TMEM117: variants seen among roughly 807,000 people sequenced by gnomAD.
TMEM117 encodes transmembrane protein 117.
A neutral mutation model predicts 52.4 loss-of-function variants in TMEM117; 27 were observed. The observed-to-expected ratio is 0.51, with a 90% CI of 0.38 to 0.71. The LOEUF (loss-of-function observed/expected upper bound fraction) is 0.71. TMEM117 is among the 30% of genes least tolerant of loss of function. The pLI is 0.00. For synonymous variants in TMEM117, 215 were observed against 206.3 expected (o/e 1.04, Z -0.36); for missense variants, 556 against 630.5 (o/e 0.88, Z 1.26).
intron 6 of TMEM117, among the ~76,000 whole-genome samples, chr12:44,348,310 G>A (rs1951516690): frequency 6.6e-6 from 1 of 151,372 alleles, no homozygotes; most frequent in African/African-American, 2.4e-5. Context: ...ATACTCTGGT[G>A]GGAAAAGGGA....
downstream of TMEM117, among the ~76,000 whole-genome samples, chr12:44,394,673 C>T (rs1952173438): frequency 6.6e-6 from 1 of 152,194 alleles, no homozygotes; most frequent in African/African-American, 2.4e-5. Context: ...CTTCTCTTAT[C>T]AGGACACTCT....
chr12:43,992,427 C>G (rs560985003), intron 3 of TMEM117, among the ~76,000 whole-genome samples: 146 of 152,044 alleles, frequency 9.6e-4, no homozygotes, highest in African/African-American at 3.4e-3. Flanking sequence ...GCCATCCTGC[C>G]TGGCTAATTT....
Position 43,924,985 on chromosome 12 carries a change from C to G in TMEM117, c.278-19225C>G, listed in dbSNP as rs745949346. ...TTCTAAGATGGATGGAAGATGTTCT[C>G]TCAAATGGATGGCAGGTTGGTGCTA... On this transcript the variant is annotated intron_variant, in intron 2 of 7. Coordinates refer to ENST00000266534, the MANE Select transcript of TMEM117 (RefSeq NM_032256.3). Among the ~76,000 whole-genome samples the G allele has an allele frequency of 3.9e-4, 59 of 152,140 alleles. 1 individual carries two copies. The highest frequency in any genetic ancestry group is 6.8e-4 in the Non-Finnish European group (46 of 68,012).
chr12:44,130,355 A>G (rs1453440540), intron 3 of TMEM117, among the ~76,000 whole-genome samples: 1 of 152,190 alleles, frequency 6.6e-6, no homozygotes, highest in East Asian at 1.9e-4. Context: ...TGGCTGTCCT[A>G]GTGATAAACC....
rs146542072 is a variant in TMEM117, at chr12:43,881,395, A to G, written c.277+36467A>G. Among the ~76,000 whole-genome samples, 287 of 152,348 alleles carry G rather than the reference A, an allele frequency of 1.9e-3. 3 individuals are homozygous for G. The highest frequency in any genetic ancestry group is 0.017 in the Admixed American group (261 of 15,304). The stretch of plus-strand genomic sequence containing the variant: ...GCAGTGAATACAAAGAAAATGTAAG[A>G]TATTTTACTAATACTTTTTATATTG... On this transcript the variant is annotated intron_variant, in intron 2 of 7. Transcript: ENST00000266534.
chr12:44,091,889 A>G (rs1276873972), intron 3 of TMEM117, among the ~76,000 whole-genome samples: 1 of 152,228 alleles, frequency 6.6e-6, no homozygotes, highest in Non-Finnish European at 1.5e-5. Context: ...TTCATGCTGT[A>G]TTGTAACCAT....
intron 2 of TMEM117, among the ~76,000 whole-genome samples, chr12:43,941,659 A>G (rs1592380146): frequency 1.3e-5 from 2 of 152,228 alleles, no homozygotes; most frequent in Admixed American, 6.5e-5. Context: ...GGAAATTTTT[A>G]TAGTACAATT....
At chr12:43,914,825 G>A (rs1698522444) in intron 2 of TMEM117, among the ~76,000 whole-genome samples, 3 of 152,122 alleles carry the variant, frequency 2.0e-5, no homozygotes, top group Non-Finnish European at 2.9e-5. Flanking sequence ...GAGATTGATG[G>A]TATTTGATTT....
chr12:44,059,262 A>T (rs1947103236), intron 3 of TMEM117, among the ~76,000 whole-genome samples: 1 of 152,182 alleles, frequency 6.6e-6, no homozygotes, highest in African/African-American at 2.4e-5. Flanking sequence ...ATAAATTAGG[A>T]TAATGTATAG....
At chr12:44,208,537 A>C (rs972815601) in intron 4 of TMEM117, among the ~76,000 whole-genome samples, 1 of 152,122 alleles carries the variant, frequency 6.6e-6, no homozygotes, top group African/African-American at 2.4e-5. Context: ...AACACCAGAA[A>C]TGAATTTGAT....
intron 2 of TMEM117, 150 bp downstream of exon 2, chr12:43,845,078 C>T: frequency 1.3e-6 from 1 of 786,776 alleles, no homozygotes; most frequent in Non-Finnish European, 2.0e-6. Flanking sequence ...TAACTGGGTT[C>T]TTCAACTACT....
intron 3 of TMEM117, among the ~76,000 whole-genome samples, chr12:43,977,035 C>A (rs1385261224): frequency 6.6e-6 from 1 of 152,158 alleles, no homozygotes; most frequent in African/African-American, 2.4e-5. Flanking sequence ...TTATTAGAGA[C>A]TGCCCAAGTA....
intron 5 of TMEM117, among the ~76,000 whole-genome samples, chr12:44,298,829 C>A (rs1387293260): frequency 2.0e-5 from 3 of 150,696 alleles, no homozygotes; most frequent in Admixed American, 2.0e-4. Flanking sequence ...CTGTATGGAG[C>A]TTATCAAGTC....
In TMEM117 at chr12:43,943,318, G is replaced by A. The variant is rs118191803; in HGVS notation, c.278-892G>A. ...AAGTATAATAGACACGGTTTATCTTGGGAGAAGCCAGGGTGACCTATGCTC... is the reference window on the plus strand; with the variant it reads ...AAGTATAATAGACACGGTTTATCTTAGGAGAAGCCAGGGTGACCTATGCTC... On this transcript the variant is annotated intron_variant, in intron 2 of 7. Transcript: ENST00000266534. Among the ~76,000 whole-genome samples, 167 of 151,698 alleles carry A rather than the reference G, an allele frequency of 1.1e-3. 2 individuals carry two copies. The East Asian group carries it at 0.028, about 25-fold the overall frequency.
intron 6 of TMEM117, among the ~76,000 whole-genome samples, chr12:44,324,246 G>T (rs933022171): frequency 4.6e-5 from 7 of 151,918 alleles, no homozygotes; most frequent in Non-Finnish European, 1.0e-4. Flanking sequence ...CTGCTTGCCT[G>T]TAATTTCATT....
chr12:44,015,196 A>G (rs1765242276), intron 3 of TMEM117, among the ~76,000 whole-genome samples: 1 of 152,156 alleles, frequency 6.6e-6, no homozygotes, highest in Admixed American at 6.6e-5. Context: ...GGGATGCTGG[A>G]CTTAAAAAAA....
intron 4 of TMEM117, among the ~76,000 whole-genome samples, chr12:44,184,577 C>G (rs1228922870): frequency 2.6e-5 from 4 of 152,078 alleles, no homozygotes; most frequent in Non-Finnish European, 5.9e-5. Flanking sequence ...CAGGCAGCCT[C>G]TAGAAGCAGA....
intron 3 of TMEM117, among the ~76,000 whole-genome samples, chr12:43,989,624 A>C (rs1222790438): frequency 6.6e-6 from 1 of 151,914 alleles, no homozygotes; most frequent in African/African-American, 2.4e-5. Context: ...AAATGTATTT[A>C]TTTTTCTGGA....
At chr12:43,868,396 TAAA>T (rs200314456) in intron 2 of TMEM117, among the ~76,000 whole-genome samples, 2 of 149,086 alleles carry the variant, frequency 1.3e-5, no homozygotes, top group African/African-American at 2.5e-5. Context: ...ATAATAATAA[TAAA>T]AAAAAAGCCA....
Sources: allele counts gnomAD v4.1 joint callset (sites outside exome capture counted in the v4.1 genomes callset), GRCh38; gene constraint gnomAD v4.1.1; transcripts MANE v1.5; gene names NCBI Gene and HGNC (gene_info 2026-07-23, HGNC 2026-07-21).